Variants in RSBN1L observed in about 807,000 individuals in gnomAD.
RSBN1L encodes the protein round spermatid basic protein 1 like.
A neutral mutation model predicts 67.7 loss-of-function variants in RSBN1L; 30 were observed. The observed-to-expected ratio is 0.44, with a 90% CI of 0.33 to 0.60. The LOEUF (loss-of-function observed/expected upper bound fraction) is 0.60. Ranked by LOEUF, RSBN1L falls within the 20% of genes least tolerant of loss-of-function variation. The pLI, the probability that RSBN1L is intolerant of heterozygous loss-of-function variation, is 0.02. For missense variants in RSBN1L, 992 were observed against 1,031.7 expected, an observed-to-expected ratio of 0.96 and a Z score of 0.53; for synonymous variants, 433 against 387.0, an observed-to-expected ratio of 1.12 and a Z score of -1.39.
chr7:77,702,428 T>C (rs373932577), intron 1 of RSBN1L, among the ~76,000 whole-genome samples: 2 of 152,168 alleles, frequency 1.3e-5, no homozygotes, highest in African/African-American at 4.8e-5. Context: ...TTATTTTTGG[T>C]TTTTCTTACT....
intron 1 of RSBN1L, among the ~76,000 whole-genome samples, chr7:77,702,008 G>C (rs540156227): frequency 6.6e-6 from 1 of 151,000 alleles, no homozygotes; most frequent in African/African-American, 2.4e-5. Context: ...TTGTACTGTC[G>C]CCCAGGCTGG....
intron 2 of RSBN1L, among the ~76,000 whole-genome samples, chr7:77,737,558 G>T (rs6950602): frequency 0.02 from 3,024 of 152,088 alleles, 86 homozygotes; most frequent in African/African-American, 0.068. Flanking sequence ...GAAGAAATAC[G>T]TCAGAGCTTA....
Position 77,736,601 on chromosome 7 carries a change from A to G in RSBN1L, c.703+75A>G, listed in dbSNP as rs550100030. 8.9e-5 allele frequency: 72 copies of G among 809,706 alleles called. No individual in the cohort carries two copies. In the East Asian group the frequency reaches 2.6e-3, roughly 29 times the overall value. The allele number at this position is 809,706 out of a possible 1,614,324, so 50.2% of individuals were successfully genotyped here. On this transcript the variant is annotated intron_variant, in intron 2 of 7. Coordinates refer to ENST00000334955, the MANE Select transcript of RSBN1L (RefSeq NM_198467.3). Reference sequence around the variant, plus strand: ...TCTTTATTGGCTAAGTGAATAAAATAAGAAATGTTATTTGGTGCTGAATTT... The same window carrying G: ...TCTTTATTGGCTAAGTGAATAAAATGAGAAATGTTATTTGGTGCTGAATTT...
chr7:77,715,073 A>G (rs1341551248), intron 1 of RSBN1L, among the ~76,000 whole-genome samples: 4 of 151,856 alleles, frequency 2.6e-5, no homozygotes, highest in African/African-American at 9.7e-5. Context: ...GGAGTTTAAG[A>G]CCAGCCTGAC....
intron 3 of RSBN1L, among the ~76,000 whole-genome samples, chr7:77,763,111 G>A (rs977957441): frequency 6.8e-5 from 10 of 146,054 alleles, no homozygotes; most frequent in African/African-American, 2.6e-4. Context: ...CACAGAAAAT[G>A]TACTTATTTG....
chr7:77,740,931 G>A (rs1046513696), intron 2 of RSBN1L, among the ~76,000 whole-genome samples: 8 of 149,898 alleles, frequency 5.3e-5, no homozygotes, highest in Non-Finnish European at 1.0e-4. Flanking sequence ...TCTGCTTTGT[G>A]CATTTGTATG....
intron 1 of RSBN1L, among the ~76,000 whole-genome samples, chr7:77,724,344 TATTA>T (rs1008179229): frequency 2.6e-5 from 4 of 152,142 alleles, no homozygotes; most frequent in Non-Finnish European, 5.9e-5. Context: ...TGAACATAAT[TATTA>T]ATTCTTTCGG....
At chr7:77,742,075 AT>A (rs1791417739) in intron 2 of RSBN1L, among the ~76,000 whole-genome samples, 1 of 151,408 alleles carries the variant, frequency 6.6e-6, no homozygotes, top group South Asian at 2.1e-4. Context: ...CACAGCTCTT[AT>A]CCCAGCATTT....
intron 1 of RSBN1L, among the ~76,000 whole-genome samples, chr7:77,705,176 G>A (rs1384139213): frequency 2.6e-5 from 4 of 151,742 alleles, no homozygotes; most frequent in Non-Finnish European, 5.9e-5. Flanking sequence ...TTTAAAAATT[G>A]TGATAAAATA....
intron 1 of RSBN1L, among the ~76,000 whole-genome samples, chr7:77,729,571 A>G (rs903555852): frequency 1.3e-5 from 2 of 152,228 alleles, no homozygotes; most frequent in African/African-American, 4.8e-5. Flanking sequence ...TGGGTGAATG[A>G]GATACATATT....
At position 77,778,791 on chromosome 7, in the gene RSBN1L, C is replaced by A. The variant is rs185698151; in HGVS notation, c.2164C>A (p.His722Asn). 3 of 1,614,132 alleles carry A rather than the reference C, an allele frequency of 1.9e-6. No homozygotes were observed. The Admixed American group carries it at 5.0e-5, about 27-fold the overall frequency. The part of the protein sequence containing the change: ...SDSTSSVLGP[H>N]TDNMICAVSK... ...TTCCACATCATCTGTTCTTGGACCT[C>A]ACACTGACAACATGATTTGTGCTGT... The change falls in exon 8 of 8, where the codon CAC (histidine) becomes AAC (asparagine). Residue 722 changes from histidine to asparagine, a missense_variant. Physicochemically the swap from His to Asn is moderately conservative, Grantham distance 68. This residue lies in a region of RSBN1L where 199 missense variants were observed against 167.7 expected (regional missense o/e 1.19). Coordinates refer to ENST00000334955, the MANE Select transcript of RSBN1L (RefSeq NM_198467.3).
At chr7:77,714,267 A>G (rs760022936) in intron 1 of RSBN1L, among the ~76,000 whole-genome samples, 5 of 152,170 alleles carry the variant, frequency 3.3e-5, no homozygotes, top group African/African-American at 9.7e-5. Context: ...CTTTTTAGGT[A>G]TATAGTTTTA....
intron 1 of RSBN1L, among the ~76,000 whole-genome samples, chr7:77,724,953 C>T (rs1791176481): frequency 6.6e-6 from 1 of 151,518 alleles, no homozygotes; most frequent in Non-Finnish European, 1.5e-5. Flanking sequence ...GTCGGTTCTC[C>T]TGCCTCAGCC....
chr7:77,741,345 A>G (rs10441228), intron 2 of RSBN1L, among the ~76,000 whole-genome samples: 87,158 of 151,634 alleles, frequency 0.57, 26,902 homozygotes, highest in African/African-American at 0.81. Flanking sequence ...TAGCAGTTCT[A>G]TTCTTTCTGT....
At chr7:77,708,872 G>C (rs953917607) in intron 1 of RSBN1L, among the ~76,000 whole-genome samples, 1 of 152,154 alleles carries the variant, frequency 6.6e-6, no homozygotes, top group Non-Finnish European at 1.5e-5. Context: ...AAAATGATTG[G>C]TATACTTGGA....
chr7:77,748,497 T>C (rs1229803725), intron 2 of RSBN1L, among the ~76,000 whole-genome samples: 2 of 152,154 alleles, frequency 1.3e-5, no homozygotes, highest in Non-Finnish European at 2.9e-5. Context: ...TCTTTATTTT[T>C]TTCTTTTTGG....
At chr7:77,757,668 T>G (rs571499653) in intron 3 of RSBN1L, among the ~76,000 whole-genome samples, 1 of 152,374 alleles carries the variant, frequency 6.6e-6, no homozygotes, top group African/African-American at 2.4e-5. Flanking sequence ...TTCATTCTTA[T>G]GTCTGATGAT....
chr7:77,711,478 T>C (rs1790973797), intron 1 of RSBN1L, among the ~76,000 whole-genome samples: 1 of 152,082 alleles, frequency 6.6e-6, no homozygotes, highest in South Asian at 2.1e-4. Context: ...TAGCTAGGAC[T>C]ACAGGTGAGC....
At chr7:77,711,147 C>T (rs1584276033) in intron 1 of RSBN1L, among the ~76,000 whole-genome samples, 1 of 151,978 alleles carries the variant, frequency 6.6e-6, no homozygotes, top group East Asian at 1.9e-4. Context: ...AGAAGTTGAC[C>T]AGCAGCTCAT....
Sources: gnomAD v4.1 joint callset for allele counts (sites outside exome capture counted in the v4.1 genomes callset) on GRCh38, gnomAD v4.1.1 for gene constraint, gnomAD v4.1.1 regional missense constraint, MANE v1.5 for transcripts, NCBI Gene and HGNC (gene_info 2026-07-23, HGNC 2026-07-21) for gene names.